RAB3D: variants seen among roughly 807,000 people sequenced by gnomAD.
The protein encoded by RAB3D is RAB3D, member RAS oncogene family.
RAB3D carries 17 observed loss-of-function variants against 19.3 expected under a neutral mutation model. That is an observed-to-expected ratio of 0.88 (90% CI 0.60 to 1.32). The LOEUF (loss-of-function observed/expected upper bound fraction) is 1.32. Ranked by LOEUF, RAB3D falls within the 40% of genes most tolerant of loss-of-function variation. The pLI is 0.00. For synonymous variants in RAB3D, 103 were observed against 119.9 expected, an observed-to-expected ratio of 0.86 and a Z score of 0.92; for missense variants, 223 against 299.1, an observed-to-expected ratio of 0.75 and a Z score of 1.88.
At chr19:11,333,771 G>A (rs1370240424) in intron 4 of RAB3D, among the ~76,000 whole-genome samples, 2 of 151,336 alleles carry the variant, frequency 1.3e-5, no homozygotes, top group African/African-American at 2.4e-5. Flanking sequence ...TCGGCTCACT[G>A]CAGCCTCCAC....
chr19:11,325,315 T>C lies in RAB3D; in HGVS notation c.*83A>G. 1.1e-6 allele frequency: 1 copy of C among 871,138 alleles called. No homozygotes were observed. Among genetic ancestry groups the C allele is most frequent in the Non-Finnish European group, 1.7e-6 (1 of 571,432 alleles). The allele number at this position is 871,138 out of a possible 1,614,324, so 54.0% of individuals were successfully genotyped here. A position where few individuals can be genotyped will look rare whatever the true frequency, so the allele number is the denominator to read the frequency against. ...AGGAGGGAAGGGATTGCCCTGAGCT[T>C]GGAGATAACCACTGTGGCTCACGCC... is the stretch of plus-strand genomic sequence containing the variant. On this transcript the variant is annotated 3_prime_UTR_variant, in exon 5 of 5. Coordinates refer to ENST00000222120, the MANE Select transcript of RAB3D (RefSeq NM_004283.4).
In RAB3D at chr19:11,337,181, C is replaced by A; in HGVS notation, c.219G>T (p.Leu73=). Residue 73 remains leucine (L), a synonymous_variant, in exon 2 of 5, where the codon CTG becomes CTT. Transcript: ENST00000222120. The part of the protein sequence containing the change: ...TVYRHDKRIK[L]QIWDTAGQER... ...CAGCCTCCCAGCCTACCCAGATCTG[C>A]AGCTTGATCCTCTTGTCATGGCGGT... 1.2e-6 allele frequency: 2 copies of A among 1,613,876 alleles called. No homozygotes were observed. Among genetic ancestry groups the A allele is most frequent in the Non-Finnish European group, 1.7e-6 (2 of 1,179,918 alleles).
Position 11,335,757 on chromosome 19 carries a change from G to C in RAB3D, c.255C>G (p.Arg85=). The part of the protein sequence containing the change: ...IWDTAGQERY[R]TITTAYYRGA... ...CCCGGTAGTAGGCCGTGGTGATGGT[G>C]CGGTAGCGCTCCTGGCCCGCTGTGT... is the stretch of plus-strand genomic sequence containing the variant. Residue 85 remains arginine (R), a synonymous_variant, in exon 3 of 5, where the codon CGC becomes CGG. Coordinates refer to ENST00000222120, the MANE Select transcript of RAB3D (RefSeq NM_004283.4). 1.9e-6 allele frequency: 3 copies of C among 1,614,226 alleles called. No homozygotes were observed. Among genetic ancestry groups the C allele is most frequent in the Non-Finnish European group, 2.5e-6 (3 of 1,180,042 alleles).
chr19:11,326,086 G>A (rs2080810979), intron 4 of RAB3D, among the ~76,000 whole-genome samples: 1 of 152,038 alleles, frequency 6.6e-6, no homozygotes, highest in African/African-American at 2.4e-5. Context: ...GCTGGGCATG[G>A]TGGCACGCGT....
In RAB3D at chr19:11,324,061, C is replaced by T. The variant is rs1055770160; in HGVS notation, c.*1337G>A. The T allele has an allele frequency of 6.6e-6, 1 of 152,140 alleles. No individual in the cohort carries two copies. The highest frequency in any genetic ancestry group is 1.9e-4 in the East Asian group (1 of 5,188). 9.4% of individuals were successfully genotyped at this position (152,140 alleles called of 1,614,324 possible). A position where few individuals can be genotyped will look rare whatever the true frequency, so the allele number is the denominator to read the frequency against. On this transcript the variant is annotated 3_prime_UTR_variant, in exon 5 of 5. Coordinates refer to ENST00000222120, the MANE Select transcript of RAB3D (RefSeq NM_004283.4). ...GGCACTGATCACAGTCCATCCCCCC[C>T]ATTCACATAAGGTCCTGCCACTCTC...
Position 11,335,729 on chromosome 19 carries a change from C to G in RAB3D, c.283G>C (p.Ala95Pro). The G allele has an allele frequency of 6.2e-7, 1 of 1,614,224 alleles. No homozygotes were observed. The change falls in exon 3 of 5, where the codon GCC (alanine) becomes CCC (proline). Residue 95 changes from alanine (A) to proline (P), a missense_variant. Transcript: ENST00000222120. ...TCATACATGAGCAGGAAGCCCATGG[C>G]TCCCCGGTAGTAGGCCGTGGTGATG... ...RTITTAYYRG[A>P]MGFLLMYDIA...
chr19:11,328,506 G>C (rs926364028), intron 4 of RAB3D, among the ~76,000 whole-genome samples: 1 of 151,804 alleles, frequency 6.6e-6, no homozygotes, highest in African/African-American at 2.4e-5. Context: ...ATTTAGCTTT[G>C]TGTGGTGGCA....
chr19:11,327,124 A>AT, intron 4 of RAB3D: 1 of 360,736 alleles, frequency 2.8e-6, no homozygotes, highest in Non-Finnish European at 5.0e-6. Flanking sequence ...GTAATTACCC[A>AT]TTTATTATCT....
chr19:11,325,529 C>G lies in RAB3D; in HGVS notation c.529G>C (p.Glu177Gln), dbSNP rs755598316. Residue 177 changes from glutamate to glutamine, a missense_variant, in exon 5 of 5, where the codon GAG (glutamate) becomes CAG (glutamine). Physicochemically the swap from Glu to Gln is conservative, Grantham distance 29 (BLOSUM62 2). Transcript: ENST00000222120. Reference sequence around the variant, plus strand: ...TCGCAGATGACATCCACCAGGCGCTCGAAGACCTGCTTCACATTGATGTTC... The same window carrying G: ...TCGCAGATGACATCCACCAGGCGCTGGAAGACCTGCTTCACATTGATGTTC... ...KENINVKQVF[E>Q]RLVDVICEKM... The G allele has an allele frequency of 1.9e-6, 3 of 1,613,608 alleles. No individual in the cohort carries two copies. The highest frequency in any genetic ancestry group is 3.3e-5 in the Admixed American group (2 of 60,006).
chr19:11,326,877 T>A (rs1056485101), intron 4 of RAB3D: 20 of 603,160 alleles, frequency 3.3e-5, no homozygotes, highest in Admixed American at 5.3e-5. Context: ...CCCAAAGTGC[T>A]GGGTTTACCA....
chr19:11,325,294 G>T lies in RAB3D; in HGVS notation c.*104C>A. The stretch of plus-strand genomic sequence containing the variant: ...AGGAGTCGGGGAGCAGTTGACAGGA[G>T]GGAAGGGATTGCCCTGAGCTTGGAG... On this transcript the variant is annotated 3_prime_UTR_variant, in exon 5 of 5. Transcript: ENST00000222120. The T allele has an allele frequency of 1.4e-6, 1 of 725,722 alleles. No individual in the cohort carries two copies. The highest frequency in any genetic ancestry group is 1.8e-5 in the South Asian group (1 of 55,344). 45.0% of individuals were successfully genotyped at this position (725,722 alleles called of 1,614,324 possible). A position where few individuals can be genotyped will look rare whatever the true frequency, so the allele number is the denominator to read the frequency against.
intron 4 of RAB3D, chr19:11,326,655 G>A (rs1359756154): frequency 3.5e-6 from 2 of 568,324 alleles, no homozygotes; most frequent in Non-Finnish European, 6.2e-6. Flanking sequence ...CCAGGCCGGG[G>A]TGTAGTGGTA....
At chr19:11,327,904 G>C (rs1416979208) in intron 4 of RAB3D, among the ~76,000 whole-genome samples, 1 of 151,990 alleles carries the variant, frequency 6.6e-6, no homozygotes, top group Non-Finnish European at 1.5e-5. Context: ...ATTTACTGGA[G>C]AAACTAGAAA....
intron 4 of RAB3D, chr19:11,326,890 G>A (rs318688): frequency 0.08 from 45,155 of 564,602 alleles, 3,059 homozygotes; most frequent in African/African-American, 0.27. Context: ...GTTTACCAGC[G>A]TGAGCCACCA....
intron 4 of RAB3D, among the ~76,000 whole-genome samples, chr19:11,327,172 A>T (rs1568299555): frequency 6.6e-6 from 1 of 152,198 alleles, no homozygotes; most frequent in Non-Finnish European, 1.5e-5. Context: ...GGCAGGCAGG[A>T]TTTCCGCCCA....
chr19:11,324,420 G>A lies in RAB3D; in HGVS notation c.*978C>T, dbSNP rs953706797. ...CAGAAAGTCGCCGACAACTGCCTGC[G>A]GTGGCTGGGAACGTTGCTTCATTTC... On this transcript the variant is annotated 3_prime_UTR_variant, in exon 5 of 5. Transcript: ENST00000222120. 2 of 152,280 alleles carry A rather than the reference G, an allele frequency of 1.3e-5. No individual in the cohort carries two copies. Among genetic ancestry groups the A allele is most frequent in the African/African-American group, 4.8e-5 (2 of 41,440 alleles). The allele number at this position is 152,280 out of a possible 1,614,324, so 9.4% of individuals were successfully genotyped here.
chr19:11,335,840 G>T, intron 2 of RAB3D, 57 bp from the exon 3 acceptor site: 1 of 1,485,596 alleles, frequency 6.7e-7, no homozygotes, highest in Non-Finnish European at 9.4e-7. Flanking sequence ...GTCCACCCCT[G>T]TCTTAGAGGG....
At chr19:11,337,050 C>T (rs928448847) in intron 2 of RAB3D, 122 bp downstream of exon 2, 22 of 805,036 alleles carry the variant, frequency 2.7e-5, no homozygotes, top group Admixed American at 1.4e-4. Flanking sequence ...GCCGAGATCC[C>T]GCCACTGCCC....
At chr19:11,337,571 C>T in intron 1 of RAB3D, 111 bp from the exon 2 acceptor site, 1 of 592,040 alleles carries the variant, frequency 1.7e-6, no homozygotes, top group Admixed American at 2.8e-5. Context: ...TCGCTTGCCC[C>T]CTCTAGACCT....
Sources: allele counts gnomAD v4.1 joint callset (sites outside exome capture counted in the v4.1 genomes callset), GRCh38; gene constraint gnomAD v4.1.1; transcripts MANE v1.5; gene names NCBI Gene and HGNC (gene_info 2026-07-23, HGNC 2026-07-21).